KDM5A: variants seen among roughly 807,000 people sequenced by gnomAD.
KDM5A encodes lysine-specific demethylase 5A.
KDM5A carries 42 observed loss-of-function variants against 193.5 expected under a neutral mutation model. The observed-to-expected ratio is 0.22, with a 90% CI of 0.17 to 0.28. The LOEUF (loss-of-function observed/expected upper bound fraction) is 0.28, where lower values mean the gene tolerates loss of function less well. Ranked by LOEUF, KDM5A falls within the 10% of genes least tolerant of loss-of-function variation. The pLI, the probability that KDM5A is intolerant of heterozygous loss-of-function variation, is 1.00. For synonymous variants in KDM5A, 796 were observed against 718.1 expected (o/e 1.11, Z -1.73); for missense variants, 1,692 against 2,055.1 (o/e 0.82, Z 3.42).
chr12:351,504 A>T (rs569167030), intron 9 of KDM5A, among the ~76,000 whole-genome samples: 3 of 152,150 alleles, frequency 2.0e-5, no homozygotes, highest in Non-Finnish European at 4.4e-5. Flanking sequence ...GCAACACTAG[A>T]TTTTAATAAC....
chr12:333,751 A>G (rs1056063498), intron 11 of KDM5A, 102 bp from the exon 12 acceptor site: 1 of 1,123,300 alleles, frequency 8.9e-7, no homozygotes, highest in African/African-American at 1.5e-5. Flanking sequence ...GTCTTATTCC[A>G]TGGTCAGATT....
chr12:349,827 T>G (rs935054658), intron 10 of KDM5A, among the ~76,000 whole-genome samples: 14 of 151,838 alleles, frequency 9.2e-5, no homozygotes, highest in African/African-American at 3.4e-4. Context: ...TCAGCTTAAA[T>G]TAGTTTTAAA....
chr12:307,366 C>T lies in KDM5A; in HGVS notation c.3930+88G>A. On this transcript the variant is annotated intron_variant, in intron 23 of 27. Transcript: ENST00000399788. The surrounding 1 kb of genome is among the most constrained non-coding windows in gnomAD (Gnocchi z 4.3). ...TTGCTGACAAGTTACTGTTATTTTC[C>T]TAATCAATTGGTAAGACAGACTCAA... 1 of 1,388,556 alleles carries T rather than the reference C, an allele frequency of 7.2e-7. No individual in the cohort carries two copies. Among genetic ancestry groups the T allele is most frequent in the Non-Finnish European group, 1.0e-6 (1 of 981,272 alleles). 86.0% of individuals were successfully genotyped at this position (1,388,556 alleles called of 1,614,324 possible).
intron 24 of KDM5A, among the ~76,000 whole-genome samples, chr12:306,314 C>T (rs7138499): frequency 5.9e-5 from 9 of 152,104 alleles, no homozygotes; most frequent in Non-Finnish European, 1.2e-4. Flanking sequence ...TACAGACTTT[C>T]ACAACTCAAA....
chr12:349,454 T>C (rs1944122200), intron 10 of KDM5A, among the ~76,000 whole-genome samples: 1 of 151,104 alleles, frequency 6.6e-6, no homozygotes, highest in Admixed American at 6.6e-5. Context: ...CTCAGCCTCC[T>C]GAGTAGCTGG....
intron 27 of KDM5A, among the ~76,000 whole-genome samples, chr12:289,714 C>CA (rs774919490): frequency 0.13 from 10,213 of 78,832 alleles, 1,075 homozygotes; most frequent in East Asian, 0.38. Flanking sequence ...GACCCTGTCT[C>CA]AAAAAAAAAA....
intron 3 of KDM5A, among the ~76,000 whole-genome samples, chr12:373,401 G>A (rs1357772768): frequency 2.0e-5 from 3 of 152,162 alleles, no homozygotes; most frequent in Non-Finnish European, 4.4e-5. Context: ...TTCTCTGATG[G>A]TAGTTTGTAT....
At chr12:306,391 G>A (rs1027662953) in intron 24 of KDM5A, among the ~76,000 whole-genome samples, 1 of 152,128 alleles carries the variant, frequency 6.6e-6, no homozygotes, top group African/African-American at 2.4e-5. Flanking sequence ...GTTCCTCTAA[G>A]CCATAAGGGA....
chr12:301,657 C>T (rs369278995), intron 24 of KDM5A, among the ~76,000 whole-genome samples: 1 of 152,134 alleles, frequency 6.6e-6, no homozygotes, highest in Non-Finnish European at 1.5e-5. Context: ...CTATTCAACA[C>T]AGTGTTGGAA....
intron 18 of KDM5A, among the ~76,000 whole-genome samples, chr12:319,241 A>C (rs1369624395): frequency 6.6e-6 from 1 of 152,232 alleles, no homozygotes; most frequent in Non-Finnish European, 1.5e-5. Context: ...CAAACAAAAA[A>C]TAAAATGTCA....
chr12:340,013 C>T (rs753287589), intron 10 of KDM5A, among the ~76,000 whole-genome samples: 2 of 151,812 alleles, frequency 1.3e-5, no homozygotes, highest in Non-Finnish European at 2.9e-5. Context: ...GCAGCTCCAA[C>T]TACAGGCGTG....
Position 284,097 on chromosome 12 carries a change from G to A in KDM5A, c.*1359C>T, listed in dbSNP as rs534386926. The A allele has an allele frequency of 4.3e-6, 1 of 231,656 alleles. No individual in the cohort carries two copies. The highest frequency in any genetic ancestry group is 1.8e-4 in the South Asian group (1 of 5,476). 14.4% of individuals were successfully genotyped at this position (231,656 alleles called of 1,614,324 possible). On this transcript the variant is annotated 3_prime_UTR_variant, in exon 28 of 28. Coordinates refer to ENST00000399788, the MANE Select transcript of KDM5A (RefSeq NM_001042603.3). The stretch of plus-strand genomic sequence containing the variant: ...GTCAGGCTGGGATGGAGGAGGGAGT[G>A]CTAACTCCTTGTACTACAAAGAAGG...
intron 27 of KDM5A, among the ~76,000 whole-genome samples, chr12:289,913 T>TC (rs1565522366): frequency 2.1e-5 from 3 of 142,582 alleles, no homozygotes; most frequent in African/African-American, 5.5e-5. Flanking sequence ...CTTTCTTTTT[T>TC]TTTTTTTTTT....
rs376128815 is a variant in KDM5A, at chr12:323,123, C to T, written c.2234G>A (p.Arg745His). 1.0e-5 allele frequency: 16 copies of T among 1,573,390 alleles called. No individual in the cohort carries two copies. Among genetic ancestry groups the T allele is most frequent in the South Asian group, 8.8e-5 (8 of 90,694 alleles). The stretch of plus-strand genomic sequence containing the variant: ...GTTAGCAGACAATGCTTCTGTAACA[C>T]GACTGACCCAAGTGTCATAGGACTG... ...RAQSYDTWVS[R>H]VTEALSANFN... Residue 745 changes from arginine (R) to histidine (H), a missense_variant, in exon 16 of 28, where the codon CGT (arginine) becomes CAT (histidine). This residue lies in a region of KDM5A where 965 missense variants were observed against 1,061.0 expected (regional missense o/e 0.91). Transcript: ENST00000399788.
intron 3 of KDM5A, among the ~76,000 whole-genome samples, chr12:369,659 A>G (rs1430212810): frequency 2.0e-5 from 3 of 152,224 alleles, no homozygotes; most frequent in Admixed American, 2.0e-4. Flanking sequence ...AAGGGAACAG[A>G]CAAAGCAAAG....
chr12:387,474 A>G (rs1194405214), intron 1 of KDM5A, among the ~76,000 whole-genome samples: 1 of 152,218 alleles, frequency 6.6e-6, no homozygotes, highest in Non-Finnish European at 1.5e-5. Flanking sequence ...TGTTAATATT[A>G]GGTAATTATG....
intron 3 of KDM5A, among the ~76,000 whole-genome samples, chr12:374,023 A>G (rs183229486): frequency 2.6e-5 from 4 of 152,302 alleles, no homozygotes; most frequent in African/African-American, 4.8e-5. Context: ...TTTTGGAATA[A>G]GTGTGATGCA....
At chr12:306,337 A>G (rs1943506722) in intron 24 of KDM5A, among the ~76,000 whole-genome samples, 1 of 152,202 alleles carries the variant, frequency 6.6e-6, no homozygotes, top group South Asian at 2.1e-4. Flanking sequence ...AAAAAATCTG[A>G]AAAACTGAAA....
At chr12:298,344 G>A (rs903624357) in intron 24 of KDM5A, among the ~76,000 whole-genome samples, 2 of 152,342 alleles carry the variant, frequency 1.3e-5, no homozygotes, top group Admixed American at 1.3e-4. Context: ...GCTTCCAGAG[G>A]AAGGAACAAG....
Sources: gnomAD v4.1 joint callset for allele counts (sites outside exome capture counted in the v4.1 genomes callset) on GRCh38, gnomAD v4.1.1 for gene constraint, gnomAD v4.1.1 regional missense constraint, Gnocchi (gnomAD v3.1) non-coding constraint, MANE v1.5 for transcripts, NCBI Gene and HGNC (gene_info 2026-07-23, HGNC 2026-07-21) for gene names.